Variants in SYT16 observed in about 807,000 individuals in gnomAD.
SYT16 encodes synaptotagmin-16.
Under a neutral mutation model 61.4 loss-of-function variants are expected in SYT16, and 42 were observed. The ratio of observed to expected loss-of-function variants is 0.68; its 90% CI spans 0.53 to 0.89. The LOEUF is 0.89. Ranked by LOEUF, SYT16 falls within the 40% of genes least tolerant of loss-of-function variation. The pLI, the probability that SYT16 is intolerant of heterozygous loss-of-function variation, is 0.00. For synonymous variants in SYT16, 314 were observed against 302.3 expected (o/e 1.04, Z -0.40); for missense variants, 804 against 807.3 (o/e 1.00, Z 0.05).
intron 1 of SYT16, among the ~76,000 whole-genome samples, chr14:61,933,860 A>G (rs188770952): frequency 3.9e-4 from 60 of 152,376 alleles, no homozygotes; most frequent in Admixed American, 3.8e-3. Context: ...ATTTAAAAAT[A>G]CTTATATTCT....
rs149911038 is a variant in SYT16, at chr14:62,092,596, G to A, written c.1625-7798G>A. ...ATGCTGCAGTATGGATGAACCTTGAGGACATTATGTTAAATGAAATAAGCC... is the reference window on the plus strand; with the variant it reads ...ATGCTGCAGTATGGATGAACCTTGAAGACATTATGTTAAATGAAATAAGCC... On this transcript the variant is annotated intron_variant, in intron 7 of 7. Transcript: ENST00000683842. 3.7e-3 allele frequency among the ~76,000 whole-genome samples: 563 copies of A among 151,622 alleles called. 3 individuals are homozygous for A. Among genetic ancestry groups the A allele is most frequent in the African/African-American group, 0.013 (532 of 41,360 alleles).
At chr14:61,845,763 GTTGT>G (rs2046430118) in intron 1 of SYT16, among the ~76,000 whole-genome samples, 1 of 151,834 alleles carries the variant, frequency 6.6e-6, no homozygotes, top group African/African-American at 2.4e-5. Context: ...GCATTATTAG[GTTGT>G]TTATTTGAAA....
chr14:61,907,443 G>T (rs554552688), intron 1 of SYT16, among the ~76,000 whole-genome samples: 10 of 152,262 alleles, frequency 6.6e-5, no homozygotes, highest in African/African-American at 2.4e-4. Flanking sequence ...ATAGGTTTTG[G>T]CATCAGGCAT....
chr14:62,074,995 G>T (rs1401403306), intron 4 of SYT16, 140 bp from the exon 5 acceptor site: 10 of 896,346 alleles, frequency 1.1e-5, no homozygotes, highest in Non-Finnish European at 1.7e-5. Context: ...TGTATGGATA[G>T]AATTATGTTT....
chr14:62,091,883 G>A (rs1324714492), intron 7 of SYT16, among the ~76,000 whole-genome samples: 1 of 152,058 alleles, frequency 6.6e-6, no homozygotes, highest in Non-Finnish European at 1.5e-5. Context: ...AAAATTTTGT[G>A]CATCAAAAGA....
At chr14:61,910,989 A>T (rs147498189) in intron 1 of SYT16, among the ~76,000 whole-genome samples, 277 of 152,230 alleles carry the variant, frequency 1.8e-3, no homozygotes, top group African/African-American at 6.4e-3. Context: ...TGTTCCCCCA[A>T]GCTGTTCCTC....
chr14:61,884,649 A>G (rs2047830287), intron 1 of SYT16, among the ~76,000 whole-genome samples: 1 of 152,194 alleles, frequency 6.6e-6, no homozygotes, highest in Non-Finnish European at 1.5e-5. Context: ...AGGCGTGACT[A>G]CTTTCCTGTT....
chr14:62,014,143 G>A (rs1333350458), intron 3 of SYT16, among the ~76,000 whole-genome samples: 1 of 151,994 alleles, frequency 6.6e-6, no homozygotes, highest in Non-Finnish European at 1.5e-5. Context: ...TGACTTCCAT[G>A]ACAAATCTTC....
intron 7 of SYT16, among the ~76,000 whole-genome samples, chr14:62,084,928 A>G (rs554342412): frequency 5.3e-5 from 8 of 152,346 alleles, no homozygotes; most frequent in South Asian, 2.1e-4. Flanking sequence ...TACCATGCCT[A>G]TCACATAGTG....
chr14:62,034,987 C>T (rs4899065), intron 3 of SYT16, among the ~76,000 whole-genome samples: 57,533 of 152,030 alleles, frequency 0.38, 11,687 homozygotes, highest in East Asian at 0.53. Context: ...TGTCCTACCC[C>T]GAAAGCTTCT....
At chr14:61,927,677 G>A (rs192242187) in intron 1 of SYT16, among the ~76,000 whole-genome samples, 24 of 152,236 alleles carry the variant, frequency 1.6e-4, no homozygotes, top group African/African-American at 4.6e-4. Flanking sequence ...CTACCTCCTC[G>A]TTAGCAAACA....
intron 3 of SYT16, among the ~76,000 whole-genome samples, chr14:62,003,901 T>C (rs1353314112): frequency 6.6e-6 from 1 of 152,144 alleles, no homozygotes; most frequent in Non-Finnish European, 1.5e-5. Flanking sequence ...TGAGTCAGAA[T>C]TTAATAAGTG....
chr14:61,943,128 C>G (rs2050275084), intron 1 of SYT16, among the ~76,000 whole-genome samples: 1 of 152,186 alleles, frequency 6.6e-6, no homozygotes, highest in South Asian at 2.1e-4. Flanking sequence ...ACCAGGAAAT[C>G]TAGAAGAAAT....
At position 61,962,248 on chromosome 14, in the gene SYT16, C is replaced by T. The variant is rs772921926; in HGVS notation, c.-324-7884C>T. On this transcript the variant is annotated intron_variant, in intron 1 of 7. Transcript: ENST00000683842. ...AATTTAGCTATATAAAAAACCTGCA[C>T]ATATATCCCTGAACTTAAAAGTTAA... Among the ~76,000 whole-genome samples, 4 of 152,008 alleles carry T rather than the reference C, an allele frequency of 2.6e-5. No homozygotes were observed. The South Asian group carries it at 6.2e-4, about 24-fold the overall frequency.
At chr14:61,889,569 C>T (rs1460340733) in intron 1 of SYT16, among the ~76,000 whole-genome samples, 1 of 151,864 alleles carries the variant, frequency 6.6e-6, no homozygotes, top group Admixed American at 6.5e-5. Context: ...CCTGGTACTT[C>T]CCTCTGCTCG....
chr14:62,019,374 G>A (rs753887897), intron 3 of SYT16, among the ~76,000 whole-genome samples: 2 of 152,134 alleles, frequency 1.3e-5, no homozygotes, highest in African/African-American at 4.8e-5. Flanking sequence ...GTGAGCGTGT[G>A]TGTGAAGACC....
chr14:62,082,174 C>T (rs1382217346), intron 6 of SYT16, among the ~76,000 whole-genome samples: 1 of 152,090 alleles, frequency 6.6e-6, no homozygotes, highest in Non-Finnish European at 1.5e-5. Context: ...GAGTGAACAG[C>T]ACATGCAAGC....
chr14:61,829,677 C>T (rs928993128), intron 1 of SYT16, among the ~76,000 whole-genome samples: 23 of 149,176 alleles, frequency 1.5e-4, no homozygotes, highest in African/African-American at 4.5e-4. Flanking sequence ...TTTTTTGAGA[C>T]GGAGTCTCGC....
At position 62,075,336 on chromosome 14, in the gene SYT16, G is replaced by C. The variant is rs1200687917; in HGVS notation, c.938G>C (p.Ser313Thr). The C allele has an allele frequency of 1.2e-6, 2 of 1,613,688 alleles. No individual in the cohort carries two copies. The highest frequency in any genetic ancestry group is 1.7e-6 in the Non-Finnish European group (2 of 1,179,828). Residue 313 changes from serine to threonine, a missense_variant, in exon 5 of 8, where the codon AGC becomes ACC. Ser to Thr is a moderately conservative substitution (Grantham distance 58). Coordinates refer to ENST00000683842, the MANE Select transcript of SYT16 (RefSeq NM_001367656.1). ...TTGGAGATGGAGACAGCTTTTAATA[G>C]CCGGGGATTTGAAGATTCCTATGCC... ...GSLEMETAFN[S>T]RGFEDSYATD...
Sources: allele counts gnomAD v4.1 joint callset (sites outside exome capture counted in the v4.1 genomes callset), GRCh38; gene constraint gnomAD v4.1.1; transcripts MANE v1.5; gene names NCBI Gene and HGNC (gene_info 2026-07-23, HGNC 2026-07-21).